RSPO2: variants seen among roughly 807,000 people sequenced by gnomAD.
RSPO2 encodes the protein R-spondin 2, also known as R-spondin-2.
In RSPO2, 14 loss-of-function variants were observed where a neutral mutation model predicts 30.9. That is an observed-to-expected ratio of 0.45 (90% CI 0.30 to 0.71). RSPO2 has a LOEUF of 0.71. Among genes scored for constraint, RSPO2 ranks in the 30% least tolerant of loss-of-function variants. The pLI is 0.08. For synonymous variants in RSPO2, 107 were observed against 96.4 expected, an observed-to-expected ratio of 1.11 and a Z score of -0.64; for missense variants, 264 against 301.9, an observed-to-expected ratio of 0.87 and a Z score of 0.93.
chr8:107,908,944 C>A (rs540112872), intron 5 of RSPO2, among the ~76,000 whole-genome samples: 1 of 152,248 alleles, frequency 6.6e-6, no homozygotes, highest in African/African-American at 2.4e-5. Flanking sequence ...TGCAAATGAT[C>A]TTCACTAACT....
At chr8:108,048,073 T>C (rs922718814) in intron 2 of RSPO2, among the ~76,000 whole-genome samples, 1 of 152,158 alleles carries the variant, frequency 6.6e-6, no homozygotes, top group Non-Finnish European at 1.5e-5. Context: ...GGTATTGCTA[T>C]TGAATCCTCA....
intron 2 of RSPO2, among the ~76,000 whole-genome samples, chr8:108,045,477 T>C (rs930321575): frequency 2.6e-5 from 4 of 152,142 alleles, no homozygotes; most frequent in Non-Finnish European, 5.9e-5. Context: ...TAAAATACAT[T>C]AGTCCATGTA....
At chr8:108,082,476 G>C in intron 2 of RSPO2, 69 bp downstream of exon 2, 1 of 1,226,328 alleles carries the variant, frequency 8.2e-7, no homozygotes, top group Non-Finnish European at 1.2e-6. Flanking sequence ...CCGGAGCCAG[G>C]GCGTGAGTGA....
intron 3 of RSPO2, among the ~76,000 whole-genome samples, chr8:107,966,911 T>C (rs1184344669): frequency 6.6e-6 from 1 of 152,200 alleles, no homozygotes; most frequent in Non-Finnish European, 1.5e-5. Context: ...CAAACACCCC[T>C]GGGAATCTAT....
intron 5 of RSPO2, among the ~76,000 whole-genome samples, chr8:107,908,316 G>A (rs554051242): frequency 6.6e-6 from 1 of 152,202 alleles, no homozygotes; most frequent in Admixed American, 6.5e-5. Flanking sequence ...GTCCGTCAAA[G>A]AGAAACACAA....
At chr8:108,063,585 T>C (rs1000953349) in intron 2 of RSPO2, among the ~76,000 whole-genome samples, 1 of 151,594 alleles carries the variant, frequency 6.6e-6, no homozygotes. Context: ...AGAATCAATA[T>C]CATGAAAATG....
At chr8:107,955,924 G>T (rs1287424661) in intron 5 of RSPO2, among the ~76,000 whole-genome samples, 1 of 152,144 alleles carries the variant, frequency 6.6e-6, no homozygotes, top group African/African-American at 2.4e-5. Flanking sequence ...TTACATTTTT[G>T]CATGGTTTGT....
chr8:107,985,822 TACTC>T (rs1170208717), intron 3 of RSPO2, among the ~76,000 whole-genome samples: 1 of 152,204 alleles, frequency 6.6e-6, no homozygotes, highest in Non-Finnish European at 1.5e-5. Context: ...ATCACAGAAT[TACTC>T]AGATAGTTGT....
intron 3 of RSPO2, 125 bp downstream of exon 3, chr8:107,988,931 T>C: frequency 1.1e-6 from 1 of 895,788 alleles, no homozygotes; most frequent in Non-Finnish European, 1.6e-6. Flanking sequence ...CCCAGCAAGC[T>C]TAAACTATTT....
intron 2 of RSPO2, among the ~76,000 whole-genome samples, chr8:108,014,696 T>G (rs1427511078): frequency 6.8e-6 from 1 of 148,064 alleles, no homozygotes; most frequent in African/African-American, 2.5e-5. Flanking sequence ...GCCTGTCAGG[T>G]GGTGGGGGGG....
intron 4 of RSPO2, among the ~76,000 whole-genome samples, chr8:107,959,915 G>A (rs1243839258): frequency 1.3e-5 from 2 of 152,054 alleles, no homozygotes; most frequent in Non-Finnish European, 2.9e-5. Flanking sequence ...CCATTTTAAG[G>A]GAAGTAAAGT....
chr8:107,993,990 C>G (rs1043438802), intron 2 of RSPO2, among the ~76,000 whole-genome samples: 3 of 151,992 alleles, frequency 2.0e-5, no homozygotes, highest in Non-Finnish European at 4.4e-5. Flanking sequence ...CTGCAAAGAC[C>G]CTGTTTCCAA....
chr8:107,979,666 AAAT>A (rs1472130556), intron 3 of RSPO2, among the ~76,000 whole-genome samples: 1 of 152,092 alleles, frequency 6.6e-6, no homozygotes, highest in East Asian at 1.9e-4. Flanking sequence ...CCTAAAACTT[AAAT>A]AATAATTAAA....
At chr8:108,074,374 A>G (rs1189206080) in intron 2 of RSPO2, among the ~76,000 whole-genome samples, 1 of 152,236 alleles carries the variant, frequency 6.6e-6, no homozygotes, top group African/African-American at 2.4e-5. Context: ...AACACAAAAT[A>G]CACATAGACA....
At chr8:108,043,999 A>C (rs1256588230) in intron 2 of RSPO2, among the ~76,000 whole-genome samples, 3 of 152,120 alleles carry the variant, frequency 2.0e-5, no homozygotes, top group Non-Finnish European at 4.4e-5. Flanking sequence ...AATACTAATC[A>C]CTTCTAGCAC....
intron 5 of RSPO2, among the ~76,000 whole-genome samples, chr8:107,934,607 G>C (rs1329434814): frequency 1.3e-5 from 2 of 151,942 alleles, no homozygotes; most frequent in Non-Finnish European, 2.9e-5. Flanking sequence ...CCTGACCTCA[G>C]GTGATCTGCC....
At chr8:107,979,753 C>T (rs1586597196) in intron 3 of RSPO2, among the ~76,000 whole-genome samples, 1 of 152,080 alleles carries the variant, frequency 6.6e-6, no homozygotes, top group Non-Finnish European at 1.5e-5. Context: ...GAACCACCTT[C>T]TGCTGGTTCT....
intron 5 of RSPO2, among the ~76,000 whole-genome samples, chr8:107,922,812 T>C (rs763905415): frequency 6.6e-6 from 1 of 152,042 alleles, no homozygotes; most frequent in African/African-American, 2.4e-5. Context: ...TGATTTTTTA[T>C]GAAGCTGACA....
chr8:107,998,295 G>C lies in RSPO2; in HGVS notation c.95-9051C>G, dbSNP rs374865912. Among the ~76,000 whole-genome samples, 13 of 152,048 alleles carry C rather than the reference G, an allele frequency of 8.5e-5. No homozygotes were observed. In the South Asian group the frequency reaches 1.7e-3, roughly 19 times the overall value. ...GGGAACTTGCATGTCGGATGCTATA[G>C]AAATCAAGTTGGATACATTCTCCCC... On this transcript the variant is annotated intron_variant, in intron 2 of 5. Coordinates refer to ENST00000276659, the MANE Select transcript of RSPO2 (RefSeq NM_178565.5).
Sources: allele counts gnomAD v4.1 joint callset (sites outside exome capture counted in the v4.1 genomes callset), GRCh38; gene constraint gnomAD v4.1.1; transcripts MANE v1.5; gene names NCBI Gene and HGNC (gene_info 2026-07-23, HGNC 2026-07-21).